The following DDX60L variants were observed in gnomAD, a reference collection of about 807,000 sequenced individuals.
The protein encoded by DDX60L is DExD/H-box 60 like, also known as probable ATP-dependent RNA helicase DDX60-like.
In DDX60L, 191 loss-of-function variants were observed where a neutral mutation model predicts 211.6. The observed-to-expected ratio is 0.90, with a 90% CI of 0.80 to 1.02. The LOEUF is 1.02. DDX60L is among the 50% of genes least tolerant of loss of function. The probability of loss-of-function intolerance (pLI) is 0.00; values close to 1 mark genes in which losing one functional copy is unlikely to be tolerated. For synonymous variants in DDX60L, 706 were observed against 694.1 expected, an observed-to-expected ratio of 1.02 and a Z score of -0.27; for missense variants, 2,007 against 1,984.1, an observed-to-expected ratio of 1.01 and a Z score of -0.22.
At chr4:168,412,734 C>T (rs1397238680) in intron 22 of DDX60L, among the ~76,000 whole-genome samples, 1 of 152,160 alleles carries the variant, frequency 6.6e-6, no homozygotes, top group Non-Finnish European at 1.5e-5. Context: ...TAGTGCTGTG[C>T]TTGATTCCAT....
chr4:168,416,646 G>A (rs547721884), intron 20 of DDX60L, 36 bp downstream of exon 20: 1 of 1,315,276 alleles, frequency 7.6e-7, no homozygotes, highest in Non-Finnish European at 1.1e-6. Flanking sequence ...TTCAACCACT[G>A]AATATATAAC....
chr4:168,479,838 G>C (rs1355614554), intron 1 of DDX60L, among the ~76,000 whole-genome samples: 1 of 151,766 alleles, frequency 6.6e-6, no homozygotes, highest in Non-Finnish European at 1.5e-5. Flanking sequence ...AAAAAAATTA[G>C]CCGGGCGTGG....
rs1750682493 is a variant in DDX60L, at chr4:168,421,836, T to C, written c.2318A>G (p.Tyr773Cys). 3 of 1,614,196 alleles carry C rather than the reference T, an allele frequency of 1.9e-6. No homozygotes were observed. Among genetic ancestry groups the C allele is most frequent in the East Asian group, 2.2e-5 (1 of 44,878 alleles). Reference sequence around the variant, plus strand: ...TTTCTCCATGCAGTAGTAGGAAGCATAGGTTTTGCCTGAGGACGTTGGGGC... The same window carrying C: ...TTTCTCCATGCAGTAGTAGGAAGCACAGGTTTTGCCTGAGGACGTTGGGGC... Reference protein sequence around the residue: ...IVAPTSSGKTYASYYCMEKVL... With the variant: ...IVAPTSSGKTCASYYCMEKVL... Residue 773 changes from tyrosine to cysteine, a missense_variant, in exon 17 of 38, where the codon TAT becomes TGT. Transcript: ENST00000682922.
chr4:168,478,670 T>A (rs1759948703), intron 1 of DDX60L, among the ~76,000 whole-genome samples: 1 of 152,184 alleles, frequency 6.6e-6, no homozygotes, highest in African/African-American at 2.4e-5. Context: ...ATAAAGCTAA[T>A]CCTGAGAAGA....
chr4:168,402,035 G>T (rs1456285244), intron 25 of DDX60L, among the ~76,000 whole-genome samples: 2 of 151,638 alleles, frequency 1.3e-5, no homozygotes, highest in African/African-American at 4.9e-5. Context: ...AATGCCAAAG[G>T]AAATTTTAAA....
At chr4:168,408,639 A>T (rs976981325) in intron 22 of DDX60L, among the ~76,000 whole-genome samples, 1 of 152,242 alleles carries the variant, frequency 6.6e-6, no homozygotes, top group African/African-American at 2.4e-5. Flanking sequence ...TGAACAAAAA[A>T]TAAGTAAAAA....
chr4:168,404,182 G>T, intron 24 of DDX60L, 76 bp from the exon 25 acceptor site: 1 of 1,044,092 alleles, frequency 9.6e-7, no homozygotes, highest in Non-Finnish European at 1.3e-6. Context: ...GAATTATTTT[G>T]TTGTCTAAAA....
chr4:168,401,680 A>T (rs535216131), intron 25 of DDX60L, among the ~76,000 whole-genome samples: 2 of 152,244 alleles, frequency 1.3e-5, no homozygotes, highest in Non-Finnish European at 2.9e-5. Context: ...TGTAATGTCC[A>T]GTAATATAAC....
intron 30 of DDX60L, among the ~76,000 whole-genome samples, chr4:168,382,299 T>C (rs1249402088): frequency 6.6e-6 from 1 of 152,118 alleles, no homozygotes; most frequent in East Asian, 1.9e-4. Context: ...CTTACCCACA[T>C]TTAGGTAGAA....
At chr4:168,423,851 T>A in intron 14 of DDX60L, 77 bp from the exon 15 acceptor site, 1 of 938,270 alleles carries the variant, frequency 1.1e-6, no homozygotes, top group Non-Finnish European at 1.5e-6. Flanking sequence ...ATCATTGAGT[T>A]AATCAATTAA....
At chr4:168,379,639 G>T in intron 31 of DDX60L, 87 bp downstream of exon 31, 1 of 1,247,954 alleles carries the variant, frequency 8.0e-7, no homozygotes, top group South Asian at 1.4e-5. Flanking sequence ...ATTGAATGCA[G>T]ATTATAGAAA....
At chr4:168,460,299 T>C (rs1349271072) in intron 5 of DDX60L, among the ~76,000 whole-genome samples, 1 of 152,250 alleles carries the variant, frequency 6.6e-6, no homozygotes, top group Non-Finnish European at 1.5e-5. Flanking sequence ...GAGCCTATCA[T>C]AATGCTTTGA....
rs148133447 is a variant in DDX60L at position 168,396,172 on chromosome 4, T to C, written c.3492-48A>G. 314 of 1,164,300 alleles carry C rather than the reference T, an allele frequency of 2.7e-4. 2 individuals carry two copies. The African/African-American group carries it at 4.1e-3, about 15-fold the overall frequency. 72.1% of individuals were successfully genotyped at this position (1,164,300 alleles called of 1,614,324 possible). ...AACTTTTAAGTAATGAAAACTCATA[T>C]TCAGTTACTGCAAGAAGCCTAAGGC... On this transcript the variant is annotated intron_variant, in intron 26 of 37. Transcript: ENST00000682922.
intron 10 of DDX60L, among the ~76,000 whole-genome samples, chr4:168,436,608 A>G (rs1753069216): frequency 6.6e-6 from 1 of 152,190 alleles, no homozygotes; most frequent in African/African-American, 2.4e-5. Flanking sequence ...ATTACTCTGA[A>G]TTAGTGGCCA....
At chr4:168,375,112 G>A (rs770581883) in intron 34 of DDX60L, among the ~76,000 whole-genome samples, 8 of 151,980 alleles carry the variant, frequency 5.3e-5, no homozygotes, top group Non-Finnish European at 1.2e-4. Flanking sequence ...CCATCAAAAT[G>A]GTTCATGAAT....
At chr4:168,387,785 C>A (rs190120063) in intron 29 of DDX60L, among the ~76,000 whole-genome samples, 1 of 152,104 alleles carries the variant, frequency 6.6e-6, no homozygotes, top group Admixed American at 6.5e-5. Flanking sequence ...AAAGTGGGCA[C>A]GGCAAATGAA....
intron 29 of DDX60L, 78 bp from the exon 30 acceptor site, chr4:168,384,890 A>C: frequency 7.3e-7 from 1 of 1,365,022 alleles, no homozygotes; most frequent in Non-Finnish European, 1.0e-6. Context: ...ATGACTTTAC[A>C]CTTGTTATCC....
At chr4:168,442,686 G>T (rs1222179464) in intron 9 of DDX60L, among the ~76,000 whole-genome samples, 85 of 150,706 alleles carry the variant, frequency 5.6e-4, no homozygotes, top group African/African-American at 1.8e-3. Flanking sequence ...ATCTGAGAAC[G>T]GGCAGACTGC....
chr4:168,387,387 T>C (rs550476300), intron 29 of DDX60L, among the ~76,000 whole-genome samples: 29 of 152,228 alleles, frequency 1.9e-4, no homozygotes, highest in African/African-American at 7.0e-4. Flanking sequence ...TTTCAACCAA[T>C]CAGAAAGGAA....
Sources: gnomAD v4.1 joint callset for allele counts (sites outside exome capture counted in the v4.1 genomes callset) on GRCh38, gnomAD v4.1.1 for gene constraint, MANE v1.5 for transcripts, NCBI Gene and HGNC (gene_info 2026-07-23, HGNC 2026-07-21) for gene names.